Variants in CSMD1 observed in about 807,000 individuals in gnomAD.
The protein encoded by CSMD1 is CUB and sushi domain-containing protein 1.
In CSMD1, 213 loss-of-function variants were observed where a neutral mutation model predicts 417.5. That is an observed-to-expected ratio of 0.51 (90% CI 0.46 to 0.57). The LOEUF is 0.57. Ranked by LOEUF, CSMD1 falls within the 20% of genes least tolerant of loss-of-function variation. The pLI, the probability that CSMD1 is intolerant of heterozygous loss-of-function variation, is 0.00. For synonymous variants in CSMD1, 2,862 were observed against 1,736.8 expected (o/e 1.65, Z -16.11); for missense variants, 6,923 against 4,529.7 (o/e 1.53, Z -15.17).
intron 3 of CSMD1, among the ~76,000 whole-genome samples, chr8:4,411,941 A>T (rs781769981): frequency 1.6e-4 from 24 of 152,052 alleles, no homozygotes; most frequent in Non-Finnish European, 3.4e-4. Context: ...TTTTAATAGT[A>T]CTAGAACTTA....
At chr8:3,287,367 C>A (rs1179230703) in intron 25 of CSMD1, among the ~76,000 whole-genome samples, 2 of 152,184 alleles carry the variant, frequency 1.3e-5, no homozygotes, top group East Asian at 1.9e-4. Context: ...AAGGGGATGG[C>A]ATTGAATCTA....
At position 4,654,521 on chromosome 8, in the gene CSMD1, C is replaced by T. The variant is rs911277875; in HGVS notation, c.86-16963G>A. The stretch of plus-strand genomic sequence containing the variant: ...TACCAGGCAATGCATATACTTCTTA[C>T]GTTTGCTGAGAGGCACAGTGGAGTT... On this transcript the variant is annotated intron_variant, in intron 1 of 69. Transcript: ENST00000635120. Among the ~76,000 whole-genome samples, 44 of 152,122 alleles carry T rather than the reference C, an allele frequency of 2.9e-4. 1 individual carries two copies. The highest frequency in any genetic ancestry group is 2.0e-3 in the Admixed American group (30 of 15,292).
In CSMD1 at chr8:4,219,830, A is replaced by C. The variant is rs559405485; in HGVS notation, c.416-187731T>G. ...TTACTTAGTAGAGCTAATTATCTGT[A>C]AGTTACTTTTATTGTAGTGGGGAGT... On this transcript the variant is annotated intron_variant, in intron 3 of 69. Transcript: ENST00000635120. Among the ~76,000 whole-genome samples the C allele has an allele frequency of 5.9e-5, 9 of 152,326 alleles. No individual in the cohort carries two copies. The South Asian group carries it at 1.9e-3, about 32-fold the overall frequency.
At chr8:4,027,156 T>A (rs181519482) in intron 4 of CSMD1, among the ~76,000 whole-genome samples, 1 of 152,186 alleles carries the variant, frequency 6.6e-6, no homozygotes, top group Non-Finnish European at 1.5e-5. Flanking sequence ...CAGGTGGAAT[T>A]GCACCATTTA....
At chr8:4,138,757 T>C (rs1046918731) in intron 3 of CSMD1, among the ~76,000 whole-genome samples, 4 of 152,208 alleles carry the variant, frequency 2.6e-5, no homozygotes, top group Non-Finnish European at 5.9e-5. Context: ...AACCAACTAG[T>C]TATCTTTAAT....
At chr8:4,371,605 C>T (rs1348696533) in intron 3 of CSMD1, among the ~76,000 whole-genome samples, 1 of 152,160 alleles carries the variant, frequency 6.6e-6, no homozygotes, top group Non-Finnish European at 1.5e-5. Context: ...TTCTCTGCTT[C>T]ATAAAAATTC....
intron 42 of CSMD1, among the ~76,000 whole-genome samples, chr8:3,113,681 G>A (rs1023738001): frequency 1.3e-5 from 2 of 152,168 alleles, no homozygotes; most frequent in African/African-American, 2.4e-5. Flanking sequence ...GAAGTGGGAA[G>A]GGGGTACTTT....
intron 7 of CSMD1, among the ~76,000 whole-genome samples, chr8:3,679,646 G>A (rs1799552054): frequency 1.3e-5 from 2 of 152,138 alleles, no homozygotes; most frequent in South Asian, 4.1e-4. Context: ...AGTTAACAAG[G>A]ATATCCAGGA....
intron 1 of CSMD1, among the ~76,000 whole-genome samples, chr8:4,736,945 G>A (rs1692131872): frequency 6.6e-6 from 1 of 152,110 alleles, no homozygotes; most frequent in African/African-American, 2.4e-5. Flanking sequence ...CTCAGTCACA[G>A]CAAACCATTC....
At chr8:3,079,716 A>G (rs1372393642) in intron 49 of CSMD1, among the ~76,000 whole-genome samples, 1 of 152,174 alleles carries the variant, frequency 6.6e-6, no homozygotes, top group Non-Finnish European at 1.5e-5. Flanking sequence ...GGCAAACATC[A>G]TGTTTCGGGG....
intron 26 of CSMD1, among the ~76,000 whole-genome samples, chr8:3,266,152 A>G (rs1207562578): frequency 8.6e-5 from 13 of 151,222 alleles, no homozygotes; most frequent in Admixed American, 8.6e-4. Context: ...TCCTGAGACC[A>G]ACCCTCCAGG....
At chr8:4,139,126 T>C (rs1803620907) in intron 3 of CSMD1, among the ~76,000 whole-genome samples, 1 of 152,200 alleles carries the variant, frequency 6.6e-6, no homozygotes, top group South Asian at 2.1e-4. Flanking sequence ...CCTGTGATTC[T>C]AATCCTGGAC....
chr8:4,386,651 C>G (rs142763415), intron 3 of CSMD1, among the ~76,000 whole-genome samples: 2 of 152,186 alleles, frequency 1.3e-5, no homozygotes. Context: ...GTTATCTCAG[C>G]CTTTCAGGAA....
intron 26 of CSMD1, among the ~76,000 whole-genome samples, chr8:3,250,949 G>C (rs1563186826): frequency 6.6e-6 from 1 of 152,170 alleles, no homozygotes; most frequent in Non-Finnish European, 1.5e-5. Context: ...GTTCATTGTA[G>C]ATTCTGGATA....
intron 23 of CSMD1, among the ~76,000 whole-genome samples, chr8:3,337,972 C>T (rs923135592): frequency 6.6e-6 from 1 of 152,154 alleles, no homozygotes; most frequent in Non-Finnish European, 1.5e-5. Context: ...CTCTTCACCA[C>T]GTCTGAACAG....
intron 3 of CSMD1, among the ~76,000 whole-genome samples, chr8:4,048,655 C>T (rs912863274): frequency 2.6e-5 from 4 of 152,158 alleles, no homozygotes; most frequent in Admixed American, 6.5e-5. Flanking sequence ...AATCTGACTT[C>T]CAACCACAGA....
intron 6 of CSMD1, among the ~76,000 whole-genome samples, chr8:3,735,743 A>G (rs1796494584): frequency 6.6e-6 from 1 of 152,086 alleles, no homozygotes; most frequent in Non-Finnish European, 1.5e-5. Context: ...GGCCTACCAC[A>G]CCTCTAGCCT....
chr8:3,574,399 C>G (rs1046118886), intron 10 of CSMD1, among the ~76,000 whole-genome samples: 1 of 152,108 alleles, frequency 6.6e-6, no homozygotes, highest in African/African-American at 2.4e-5. Context: ...TGCCACCAAG[C>G]CCAGCTAATT....
At chr8:3,494,554 TGATAGATA>T (rs71199579) in intron 10 of CSMD1, among the ~76,000 whole-genome samples, 44,937 of 145,358 alleles carry the variant, frequency 0.31, 6,796 homozygotes, top group Admixed American at 0.32. Context: ...ACAGATTAGA[TGATAGATA>T]GATAGATAGA....
Sources: allele counts gnomAD v4.1 joint callset (sites outside exome capture counted in the v4.1 genomes callset), GRCh38; gene constraint gnomAD v4.1.1; transcripts MANE v1.5; gene names NCBI Gene and HGNC (gene_info 2026-07-23, HGNC 2026-07-21).